The following TFEC variants were observed in gnomAD, a reference collection of about 807,000 sequenced individuals.
TFEC encodes transcription factor EC.
In TFEC, 31 loss-of-function variants were observed where a neutral mutation model predicts 41.6. The observed-to-expected ratio is 0.74, with a 90% CI of 0.56 to 1.01. The LOEUF is 1.01. Ranked by LOEUF, TFEC falls within the 50% of genes least tolerant of loss-of-function variation. TFEC has a pLI of 0.00. For synonymous variants in TFEC, 143 were observed against 140.6 expected (o/e 1.02, Z -0.12); for missense variants, 402 against 404.1 (o/e 0.99, Z 0.04).
rs753105593 is a variant in TFEC at position 115,950,875 on chromosome 7, G to A, written c.514C>T (p.Pro172Ser). 3 of 1,597,900 alleles carry A rather than the reference G, an allele frequency of 1.9e-6. No homozygotes were observed. In the Admixed American group the frequency reaches 5.1e-5, roughly 27 times the overall value. Residue 172 changes from proline to serine, a missense_variant and splice_region_variant, in exon 6 of 8, where the codon CCT becomes TCT. Pro to Ser is a moderately conservative substitution (Grantham distance 74). Coordinates refer to ENST00000265440, the MANE Select transcript of TFEC (RefSeq NM_012252.4). ...TATAGAAATGATTGTTGAACTCACG[G>A]ATCATTAGACTTTGGAATAAGAGTG... ...LGTLIPKSND[P>S]DMRWNKGTIL...
chr7:116,105,764 G>A (rs1797703662), intron 3 of TFEC, among the ~76,000 whole-genome samples: 1 of 152,030 alleles, frequency 6.6e-6, no homozygotes, highest in African/African-American at 2.4e-5. Flanking sequence ...GAAAGTCTGA[G>A]TGTTTGCCAA....
chr7:116,109,913 T>G (rs1341862637), intron 3 of TFEC, among the ~76,000 whole-genome samples: 1 of 152,088 alleles, frequency 6.6e-6, no homozygotes, highest in Non-Finnish European at 1.5e-5. Flanking sequence ...GGATGCATAG[T>G]ATGTCCTTTG....
Position 115,936,109 on chromosome 7 carries a change from C to G in TFEC, c.*4442G>C, listed in dbSNP as rs1793216179. 1 of 151,488 alleles carries G rather than the reference C, an allele frequency of 6.6e-6. No homozygotes were observed. The highest frequency in any genetic ancestry group is 1.9e-4 in the East Asian group (1 of 5,178). The allele number at this position is 151,488 out of a possible 1,614,324, so 9.4% of individuals were successfully genotyped here. On this transcript the variant is annotated 3_prime_UTR_variant, in exon 8 of 8. Transcript: ENST00000265440. ...TATTTTTTCTGCTTTTGGATTGTTT[C>G]CTTGTTTTCAAATTAAAATTCATAC... is the stretch of plus-strand genomic sequence containing the variant.
chr7:116,158,576 C>T (rs1020651869), intron 1 of TFEC, among the ~76,000 whole-genome samples: 4 of 151,738 alleles, frequency 2.6e-5, no homozygotes, highest in Non-Finnish European at 4.4e-5. Context: ...CTCAAAATAG[C>T]GAAAAGTGTG....
intron 1 of TFEC, among the ~76,000 whole-genome samples, chr7:116,021,148 A>T (rs1004694411): frequency 6.6e-6 from 1 of 152,202 alleles, no homozygotes; most frequent in African/African-American, 2.4e-5. Flanking sequence ...ATTTCCTTTT[A>T]AAAAGCCATG....
chr7:115,939,454 A>T lies in TFEC; in HGVS notation c.*1097T>A, dbSNP rs1164637116. Reference sequence around the variant, plus strand: ...TAAGTGTTTATAGAAATAGAACCTTACGTTCCTCTCAGAACTGAAAATAAT... The same window carrying T: ...TAAGTGTTTATAGAAATAGAACCTTTCGTTCCTCTCAGAACTGAAAATAAT... On this transcript the variant is annotated 3_prime_UTR_variant, in exon 8 of 8. Coordinates refer to ENST00000265440, the MANE Select transcript of TFEC (RefSeq NM_012252.4). 6.6e-6 allele frequency: 1 copy of T among 152,094 alleles called. No individual in the cohort carries two copies. The highest frequency in any genetic ancestry group is 1.5e-5 in the Non-Finnish European group (1 of 67,974). The allele number at this position is 152,094 out of a possible 1,614,324, so 9.4% of individuals were successfully genotyped here. A position where few individuals can be genotyped will look rare whatever the true frequency, so the allele number is the denominator to read the frequency against.
intron 3 of TFEC, among the ~76,000 whole-genome samples, chr7:116,065,209 G>T (rs1796666152): frequency 6.6e-6 from 1 of 152,206 alleles, no homozygotes; most frequent in Non-Finnish European, 1.5e-5. Flanking sequence ...TTACAATGCA[G>T]CTAACAGTCA....
intron 1 of TFEC, among the ~76,000 whole-genome samples, chr7:116,006,375 C>A (rs1418435703): frequency 6.6e-6 from 1 of 152,160 alleles, no homozygotes; most frequent in Admixed American, 6.5e-5. Flanking sequence ...GAGAATCCAC[C>A]TCTTGCATCT....
chr7:115,998,207 A>G (rs977853020), intron 1 of TFEC, among the ~76,000 whole-genome samples: 2 of 152,022 alleles, frequency 1.3e-5, no homozygotes, highest in Non-Finnish European at 2.9e-5. Flanking sequence ...CTAAAATGAG[A>G]AAAACAAAAT....
At chr7:116,119,671 C>T (rs1398922133) in intron 1 of TFEC, among the ~76,000 whole-genome samples, 1 of 151,418 alleles carries the variant, frequency 6.6e-6, no homozygotes, top group African/African-American at 2.4e-5. Flanking sequence ...GACTATTCAC[C>T]GATAATATAA....
intron 3 of TFEC, among the ~76,000 whole-genome samples, chr7:116,081,306 T>TA (rs113044710): frequency 0.065 from 9,585 of 146,592 alleles, 434 homozygotes; most frequent in African/African-American, 0.14. Flanking sequence ...ATCTCAGAAA[T>TA]AAAAAAAAAA....
At chr7:115,952,335 T>C (rs1791990748) in intron 5 of TFEC, among the ~76,000 whole-genome samples, 1 of 151,902 alleles carries the variant, frequency 6.6e-6, no homozygotes, top group Non-Finnish European at 1.5e-5. Context: ...TAGAAACATA[T>C]ATACACACAT....
At chr7:116,014,619 C>T (rs902915348) in intron 1 of TFEC, among the ~76,000 whole-genome samples, 5 of 151,832 alleles carry the variant, frequency 3.3e-5, no homozygotes, top group Admixed American at 6.6e-5. Context: ...AAAATAATAC[C>T]TCCCCACCAA....
chr7:115,973,386 T>G (rs1360558520), intron 3 of TFEC, among the ~76,000 whole-genome samples: 1 of 152,018 alleles, frequency 6.6e-6, no homozygotes, highest in Non-Finnish European at 1.5e-5. Flanking sequence ...GAATTCACTT[T>G]TTTTAAATTA....
At chr7:116,136,235 C>T (rs1798429812) in intron 1 of TFEC, among the ~76,000 whole-genome samples, 1 of 151,848 alleles carries the variant, frequency 6.6e-6, no homozygotes, top group Admixed American at 6.6e-5. Flanking sequence ...ACTTTTTAGG[C>T]AGTAATATTA....
chr7:116,135,626 T>G (rs536436589), intron 1 of TFEC, among the ~76,000 whole-genome samples: 9 of 152,128 alleles, frequency 5.9e-5, no homozygotes, highest in Non-Finnish European at 4.4e-5. Flanking sequence ...TTTCAACAGC[T>G]CAGCATGCAC....
chr7:116,013,472 T>C (rs1430892132), intron 1 of TFEC, among the ~76,000 whole-genome samples: 2 of 152,132 alleles, frequency 1.3e-5, no homozygotes, highest in Admixed American at 6.6e-5. Context: ...CAGGACCTCA[T>C]GGACTAACTG....
chr7:116,083,133 A>G (rs1052780233), intron 3 of TFEC, among the ~76,000 whole-genome samples: 2 of 151,914 alleles, frequency 1.3e-5, no homozygotes, highest in African/African-American at 4.8e-5. Flanking sequence ...AATAACTATC[A>G]GATGCATTAA....
intron 3 of TFEC, among the ~76,000 whole-genome samples, chr7:116,109,922 T>C (rs1335917686): frequency 6.6e-6 from 1 of 152,196 alleles, no homozygotes; most frequent in Non-Finnish European, 1.5e-5. Flanking sequence ...GTATGTCCTT[T>C]GTAGGGACAT....
Sources: allele counts gnomAD v4.1 joint callset (sites outside exome capture counted in the v4.1 genomes callset), GRCh38; gene constraint gnomAD v4.1.1; transcripts MANE v1.5; gene names NCBI Gene and HGNC (gene_info 2026-07-23, HGNC 2026-07-21).